The following XKRX variants were observed in gnomAD, a reference collection of about 807,000 sequenced individuals.
XKRX encodes XK related X-linked.
Under a neutral mutation model 22.4 loss-of-function variants are expected in XKRX, and 11 were observed. That is an observed-to-expected ratio of 0.49 (90% CI 0.31 to 0.81). The LOEUF (loss-of-function observed/expected upper bound fraction) is 0.81, where lower values mean the gene tolerates loss of function less well. Ranked by LOEUF, XKRX falls within the 40% of genes least tolerant of loss-of-function variation. XKRX has a pLI of 0.05. For synonymous variants in XKRX, 114 were observed against 132.2 expected (o/e 0.86, Z 0.94); for missense variants, 320 against 336.5 (o/e 0.95, Z 0.38).
the XKRX span, among the ~76,000 whole-genome samples, chrX:100,893,138 G>A: frequency 1.8e-5 from 2 of 112,162 alleles, no homozygotes; most frequent in South Asian, 7.5e-4. Context: ...TGAGCTGGTA[G>A]AAGCAGAGAG....
the XKRX span, among the ~76,000 whole-genome samples, chrX:100,902,231 AAATT>A: frequency 5.4e-5 from 6 of 111,957 alleles, no homozygotes; most frequent in Non-Finnish European, 1.1e-4. Context: ...AACTAAATGA[AAATT>A]AAAATACATC....
chrX:100,940,593 C>A, the XKRX span, among the ~76,000 whole-genome samples: 1 of 111,847 alleles, frequency 8.9e-6, no homozygotes, highest in East Asian at 2.8e-4. Flanking sequence ...TCACTCCCTT[C>A]AGCAAAAGCT....
the XKRX span, chrX:100,887,545 T>C: frequency 2.1e-6 from 1 of 484,162 alleles, no homozygotes; most frequent in Admixed American, 2.7e-5. Flanking sequence ...CTGTCACCAC[T>C]GTGCTTGGCT....
chrX:100,904,858 C>T, the XKRX span, among the ~76,000 whole-genome samples: 1 of 112,195 alleles, frequency 8.9e-6, no homozygotes, highest in African/African-American at 3.2e-5. Flanking sequence ...GGAAGAAGGG[C>T]TGGAGCCCAA....
At chrX:100,939,678 AGC>A in the XKRX span, among the ~76,000 whole-genome samples, 1 of 112,266 alleles carries the variant, frequency 8.9e-6, no homozygotes, top group Admixed American at 9.5e-5. Context: ...TCATGGGATC[AGC>A]TGACACCAGG....
At chrX:100,902,394 T>A in the XKRX span, among the ~76,000 whole-genome samples, 2 of 111,965 alleles carry the variant, frequency 1.8e-5, no homozygotes, top group East Asian at 5.6e-4. Context: ...AATTCCCAAC[T>A]TATTTTATGA....
At chrX:100,911,776 A>T (rs775878847), downstream of XKRX, among the ~76,000 whole-genome samples, 1 of 111,940 alleles carries the variant, frequency 8.9e-6, no homozygotes, top group South Asian at 3.8e-4. Flanking sequence ...CAGAACCAAA[A>T]GGCCACCATC....
chrX:100,942,509 C>G, the XKRX span, among the ~76,000 whole-genome samples: 1 of 111,947 alleles, frequency 8.9e-6, no homozygotes, highest in African/African-American at 3.2e-5. Context: ...AAAGTAACCA[C>G]AGTCAATCTG....
chrX:100,930,937 G>A (rs1353947266), upstream of XKRX, among the ~76,000 whole-genome samples: 2 of 109,804 alleles, frequency 1.8e-5, no homozygotes, highest in African/African-American at 6.6e-5. Flanking sequence ...TTTGAGACCA[G>A]CCTGACCAAC....
chrX:100,945,228 C>T, the XKRX span, among the ~76,000 whole-genome samples: 2 of 101,084 alleles, frequency 2.0e-5, no homozygotes, highest in East Asian at 3.2e-4. Context: ...ACAGGTTATG[C>T]ACCACCACAC....
chrX:100,920,051 G>GTCCT (rs1220647711), intron 2 of XKRX, among the ~76,000 whole-genome samples: 1 of 110,990 alleles, frequency 9.0e-6, no homozygotes, highest in Non-Finnish European at 1.9e-5. Flanking sequence ...ACAGTGTGAA[G>GTCCT]TCCTTACTCA....
Position 100,914,342 on chromosome X carries a change from A to G in XKRX, c.1346T>C (p.Val449Ala), listed in dbSNP as rs745811340. Residue 449 changes from valine (V) to alanine (A), a missense_variant, in exon 3 of 3, where the codon GTC becomes GCC. Transcript: ENST00000372956. The part of the protein sequence containing the change: ...PFETEARQSV[V>A] ...TAAAATACCCAGAAAATAGAATCAG[A>G]CAACACTTTGCCTTGCTTCAGTCTC... 8.3e-7 allele frequency: 1 copy of G among 1,207,232 alleles called. No individual in the cohort carries two copies. Among genetic ancestry groups the G allele is most frequent in the Admixed American group, 2.2e-5 (1 of 45,453 alleles).
At chrX:100,896,330 C>A in the XKRX span, among the ~76,000 whole-genome samples, 86 of 111,391 alleles carry the variant, frequency 7.7e-4, no homozygotes, top group African/African-American at 2.6e-3. Flanking sequence ...ACTGAAAAAA[C>A]CCAATATAAC....
the XKRX span, among the ~76,000 whole-genome samples, chrX:100,893,948 G>A: frequency 8.9e-6 from 1 of 112,261 alleles, no homozygotes; most frequent in East Asian, 2.8e-4. Context: ...ACATACACAT[G>A]TACTACTTGA....
the XKRX span, among the ~76,000 whole-genome samples, chrX:100,902,286 G>A: frequency 9.0e-6 from 1 of 111,223 alleles, no homozygotes; most frequent in African/African-American, 3.3e-5. Context: ...AGTGCTGAGG[G>A]GGAAAATTAT....
At chrX:100,952,133 G>T in the XKRX span, among the ~76,000 whole-genome samples, 2 of 110,151 alleles carry the variant, frequency 1.8e-5, no homozygotes, top group Non-Finnish European at 3.8e-5. Context: ...TTTATTCTAG[G>T]TATACAAGTC....
At position 100,928,486 on chromosome X, in the gene XKRX, CT is replaced by C. The variant is rs1272653056; in HGVS notation, c.-183del. The C allele has an allele frequency of 1.1e-4, 119 of 1,092,316 alleles. No homozygotes were observed. Among genetic ancestry groups the C allele is most frequent in the Non-Finnish European group, 1.4e-4 (115 of 842,428 alleles). 90.0% of individuals were successfully genotyped at this position (1,092,316 alleles called of 1,213,427 possible). A position where few individuals can be genotyped will look rare whatever the true frequency, so the allele number is the denominator to read the frequency against. On this transcript the variant is annotated 5_prime_UTR_variant, in exon 1 of 3. The change abolishes the stop of an existing upstream ORF in the 5' untranslated region. Coordinates refer to ENST00000372956, the MANE Select transcript of XKRX (RefSeq NM_212559.3). The stretch of plus-strand genomic sequence containing the variant: ...CGCTCTCTTCTAGACTCAGATTCGA[CT>C]TGGAGTCTGGGATGGAAAGCCCAGG...
chrX:100,912,226 C>A (rs2085409589), downstream of XKRX, among the ~76,000 whole-genome samples: 1 of 111,454 alleles, frequency 9.0e-6, no homozygotes, highest in African/African-American at 3.3e-5. Flanking sequence ...TTCTTTCAAG[C>A]CTCACCTTGA....
At chrX:100,910,740 C>T (rs996055587), downstream of XKRX, 7 of 703,567 alleles carry the variant, frequency 9.9e-6, no homozygotes, top group African/African-American at 4.4e-5. Flanking sequence ...TTGAATTACA[C>T]TGTAAACGCT....
Sources: gnomAD v4.1 joint callset for allele counts (sites outside exome capture counted in the v4.1 genomes callset) on GRCh38, gnomAD v4.1.1 for gene constraint, MANE v1.5 for transcripts, NCBI Gene and HGNC (gene_info 2026-07-23, HGNC 2026-07-21) for gene names.